EXT1: variants seen among roughly 807,000 people sequenced by gnomAD.
The protein encoded by EXT1 is exostosin glycosyltransferase 1.
In EXT1, 20 loss-of-function variants were observed where a neutral mutation model predicts 82.5. The observed-to-expected ratio is 0.24, with a 90% CI of 0.17 to 0.35. The LOEUF is 0.35. Ranked by LOEUF, EXT1 falls within the 10% of genes least tolerant of loss-of-function variation. EXT1 has a pLI of 1.00. For synonymous variants in EXT1, 348 were observed against 350.8 expected, an observed-to-expected ratio of 0.99 and a Z score of 0.09; for missense variants, 757 against 936.5, an observed-to-expected ratio of 0.81 and a Z score of 2.50.
chr8:117,818,823 C>T (rs894148515), intron 6 of EXT1, among the ~76,000 whole-genome samples: 1 of 152,154 alleles, frequency 6.6e-6, no homozygotes, highest in Non-Finnish European at 1.5e-5. Flanking sequence ...AAAAGAATTA[C>T]GGTGGCTGGA....
At chr8:118,016,370 G>A (rs996198295) in intron 1 of EXT1, among the ~76,000 whole-genome samples, 4 of 152,236 alleles carry the variant, frequency 2.6e-5, no homozygotes, top group Admixed American at 1.3e-4. Flanking sequence ...TCCAGCCTGG[G>A]TGACTGAGAG....
chr8:117,997,349 G>C (rs1452599568), intron 1 of EXT1, among the ~76,000 whole-genome samples: 1 of 148,578 alleles, frequency 6.7e-6, no homozygotes, highest in African/African-American at 2.5e-5. Context: ...ACACCAAAAA[G>C]GGGTAATTTT....
chr8:117,935,002 C>T (rs551984826), intron 1 of EXT1, among the ~76,000 whole-genome samples: 5 of 152,274 alleles, frequency 3.3e-5, no homozygotes, highest in South Asian at 4.1e-4. Context: ...AGAAAGAAAG[C>T]ATGTGAGCTT....
intron 1 of EXT1, among the ~76,000 whole-genome samples, chr8:118,034,638 G>A (rs1816387208): frequency 6.6e-6 from 1 of 151,898 alleles, no homozygotes; most frequent in Admixed American, 6.6e-5. Flanking sequence ...ATGACCTACA[G>A]CATCTTGGAG....
intron 10 of EXT1, among the ~76,000 whole-genome samples, chr8:117,804,217 G>C (rs531819059): frequency 1.3e-5 from 2 of 152,208 alleles, no homozygotes; most frequent in African/African-American, 4.8e-5. Context: ...TCACAAATGG[G>C]AGCAGTGCTC....
intron 5 of EXT1, 24 bp from the exon 6 acceptor site, chr8:117,819,818 C>G (rs17474434): frequency 1.3e-6 from 2 of 1,598,654 alleles, no homozygotes; most frequent in Non-Finnish European, 1.7e-6. Flanking sequence ...GAGAGTAGAG[C>G]CTAATGAAGC....
In EXT1 at chr8:118,111,117, A is replaced by C; in HGVS notation, c.-71T>G. 5 of 1,534,622 alleles carry C rather than the reference A, an allele frequency of 3.3e-6. No homozygotes were observed. In the East Asian group the frequency reaches 7.3e-5, roughly 22 times the overall value. On this transcript the variant is annotated 5_prime_UTR_variant, in exon 1 of 11. The change abolishes the stop of an existing upstream ORF in the 5' untranslated region. Transcript: ENST00000378204. ...CCCAAGTTTCCCAATCAACACTTTC[A>C]GCTCCAGTCCGCCATCTTCCCGCCT... is the stretch of plus-strand genomic sequence containing the variant.
intron 1 of EXT1, among the ~76,000 whole-genome samples, chr8:118,016,517 A>G (rs1428763151): frequency 6.6e-6 from 1 of 152,238 alleles, no homozygotes; most frequent in Non-Finnish European, 1.5e-5. Context: ...AAGCCACAGG[A>G]CCAAGACCTG....
intron 1 of EXT1, among the ~76,000 whole-genome samples, chr8:118,013,779 G>A (rs933002671): frequency 1.2e-4 from 19 of 152,324 alleles, no homozygotes; most frequent in African/African-American, 4.6e-4. Context: ...ATTTTTAAAT[G>A]TAAGTATGTT....
intron 1 of EXT1, among the ~76,000 whole-genome samples, chr8:117,914,627 G>A (rs1343501440): frequency 1.3e-5 from 2 of 152,076 alleles, no homozygotes; most frequent in Admixed American, 6.6e-5. Flanking sequence ...GTCTATAAAC[G>A]GCCGCTCTGG....
chr8:117,986,990 C>T (rs774242660), intron 1 of EXT1, among the ~76,000 whole-genome samples: 2 of 152,182 alleles, frequency 1.3e-5, no homozygotes, highest in Non-Finnish European at 2.9e-5. Context: ...GCACAAGCAG[C>T]ACTTTTTGGA....
intron 1 of EXT1, among the ~76,000 whole-genome samples, chr8:117,962,983 T>C (rs763292404): frequency 6.6e-6 from 1 of 152,082 alleles, no homozygotes; most frequent in East Asian, 1.9e-4. Flanking sequence ...TGCACCTGAA[T>C]GTGTGTTCCA....
chr8:118,086,588 G>C (rs1817422856), intron 1 of EXT1, among the ~76,000 whole-genome samples: 1 of 152,134 alleles, frequency 6.6e-6, no homozygotes. Flanking sequence ...CTTTGGATGA[G>C]GAACTGATGC....
At chr8:118,107,003 G>T (rs1485812428) in intron 1 of EXT1, among the ~76,000 whole-genome samples, 2 of 152,056 alleles carry the variant, frequency 1.3e-5, no homozygotes, top group African/African-American at 4.8e-5. Context: ...TTCATTCCTT[G>T]CAGCTTTTCT....
At chr8:118,036,920 C>T (rs747015646) in intron 1 of EXT1, among the ~76,000 whole-genome samples, 31 of 152,082 alleles carry the variant, frequency 2.0e-4, no homozygotes, top group Non-Finnish European at 4.3e-4. Flanking sequence ...TCCCCAGTGT[C>T]CCAAATTTGC....
At chr8:117,884,087 T>C (rs1448165515) in intron 1 of EXT1, among the ~76,000 whole-genome samples, 4 of 152,210 alleles carry the variant, frequency 2.6e-5, no homozygotes, top group Admixed American at 2.0e-4. Flanking sequence ...TAGAGGTTAA[T>C]AAGTGACTTT....
At chr8:117,955,700 C>A (rs556453731) in intron 1 of EXT1, among the ~76,000 whole-genome samples, 7 of 152,264 alleles carry the variant, frequency 4.6e-5, no homozygotes, top group African/African-American at 1.7e-4. Context: ...GGACTACGGG[C>A]AGGAGCCACC....
At chr8:118,106,379 A>G (rs1817803431) in intron 1 of EXT1, among the ~76,000 whole-genome samples, 1 of 152,158 alleles carries the variant, frequency 6.6e-6, no homozygotes, top group Admixed American at 6.5e-5. Context: ...GTCACTAAAC[A>G]ATTTTCTTGC....
intron 1 of EXT1, among the ~76,000 whole-genome samples, chr8:117,945,198 C>T (rs576195351): frequency 6.6e-6 from 1 of 152,264 alleles, no homozygotes; most frequent in East Asian, 1.9e-4. Context: ...ATCTCACTTA[C>T]AGTCCCCATT....
Sources: allele counts gnomAD v4.1 joint callset (sites outside exome capture counted in the v4.1 genomes callset), GRCh38; gene constraint gnomAD v4.1.1; transcripts MANE v1.5; gene names NCBI Gene and HGNC (gene_info 2026-07-23, HGNC 2026-07-21).